Variants in SRCIN1 observed in about 807,000 individuals in gnomAD.
SRCIN1 encodes the protein SRC kinase signaling inhibitor 1, also known as P130Cas-associated protein.
A neutral mutation model predicts 116.2 loss-of-function variants in SRCIN1; 50 were observed. That is an observed-to-expected ratio of 0.43 (90% CI 0.34 to 0.54). The LOEUF (loss-of-function observed/expected upper bound fraction) is 0.54, where lower values mean the gene tolerates loss of function less well. SRCIN1 is among the 20% of genes least tolerant of loss of function. The pLI is 0.02. For missense variants in SRCIN1, 1,446 were observed against 1,672.0 expected (o/e 0.86, Z 2.36); for synonymous variants, 736 against 750.0 (o/e 0.98, Z 0.30).
chr17:38,574,190 C>T (rs1264890192), intron 2 of SRCIN1, among the ~76,000 whole-genome samples: 1 of 152,196 alleles, frequency 6.6e-6, no homozygotes, highest in African/African-American at 2.4e-5. Flanking sequence ...CCCATTGCAA[C>T]TCTGATGCCT....
In SRCIN1 at chr17:38,551,117, C is replaced by A. The variant is rs563897914; in HGVS notation, c.2962+38G>T. On this transcript the variant is annotated intron_variant, in intron 15 of 18. Coordinates refer to ENST00000617146, the MANE Select transcript of SRCIN1 (RefSeq NM_025248.3). ...TGGGCTCCTGAGGAGGGCACTCCCCCACGCTGGGCTCCTTACCAGCCCTAC... is the reference window on the plus strand; with the variant it reads ...TGGGCTCCTGAGGAGGGCACTCCCCAACGCTGGGCTCCTTACCAGCCCTAC... 36 of 895,144 alleles carry A rather than the reference C, an allele frequency of 4.0e-5. 1 individual carries two copies. Among genetic ancestry groups the A allele is most frequent in the South Asian group, 2.8e-4 (16 of 57,210 alleles). The allele number at this position is 895,144 out of a possible 1,614,324, so 55.5% of individuals were successfully genotyped here.
At chr17:38,591,614 C>T (rs4082805) in intron 1 of SRCIN1, among the ~76,000 whole-genome samples, 4,887 of 152,302 alleles carry the variant, frequency 0.032, 242 homozygotes, top group African/African-American at 0.11. Flanking sequence ...GGCCTAAGAG[C>T]GCTGTTCCAG....
rs1271856935 is a variant in SRCIN1 at position 38,580,116 on chromosome 17, GGCTGGAAAC to G, written c.23-1334_23-1326del. On this transcript the variant is annotated intron_variant, in intron 1 of 18. Coordinates refer to ENST00000617146, the MANE Select transcript of SRCIN1 (RefSeq NM_025248.3). The stretch of plus-strand genomic sequence containing the variant: ...GGCAGCCCAGGGCAACAGGGGACGC[GGCTGGAAAC>G]GCTGGAAACCAGCCAGGTTTGCTAC... 8.5e-5 allele frequency among the ~76,000 whole-genome samples: 13 copies of G among 152,134 alleles called. 1 individual carries two copies. The highest frequency in any genetic ancestry group is 8.5e-4 in the Admixed American group (13 of 15,280).
intron 18 of SRCIN1, 79 bp downstream of exon 18, chr17:38,543,744 G>A: frequency 2.6e-6 from 4 of 1,540,984 alleles, no homozygotes; most frequent in Non-Finnish European, 2.6e-6. Flanking sequence ...CGGGAGCAGG[G>A]GCAGGAGATG....
chr17:38,603,242 C>T (rs971413898), intron 1 of SRCIN1, among the ~76,000 whole-genome samples: 2 of 151,832 alleles, frequency 1.3e-5, no homozygotes, highest in African/African-American at 4.8e-5. Flanking sequence ...AGAGAGAGCG[C>T]GAGAGTGCAT....
intron 18 of SRCIN1, among the ~76,000 whole-genome samples, chr17:38,538,433 A>T (rs1567848980): frequency 7.3e-6 from 1 of 136,948 alleles, no homozygotes; most frequent in African/African-American, 2.8e-5. Flanking sequence ...AAAAAAAAAA[A>T]TAATAATAAT....
At chr17:38,567,609 C>A (rs1229399608) in intron 3 of SRCIN1, among the ~76,000 whole-genome samples, 1 of 152,044 alleles carries the variant, frequency 6.6e-6, no homozygotes, top group African/African-American at 2.4e-5. Flanking sequence ...CAGGGGTCAA[C>A]AGGATACCCT....
rs199805242 is a variant in SRCIN1 at position 38,561,660 on chromosome 17, G to A, written c.1503C>T (p.Arg501=). 5.6e-3 allele frequency: 8,750 copies of A among 1,556,824 alleles called. 30 individuals are homozygous for A. Among genetic ancestry groups the A allele is most frequent in the Non-Finnish European group, 6.8e-3 (7,890 of 1,152,414 alleles). ...PHSPYSGPPS[R]GSPVRQSFRK... ...GGAAGGACTGGCGCACTGGCGAGCC[G>A]CGGCTGGGCGGCCCCGAGTAGGGGC... is the stretch of plus-strand genomic sequence containing the variant. The change falls in exon 7 of 19, where the codon CGC becomes CGT. Residue 501 remains arginine, a synonymous_variant. Transcript: ENST00000617146.
chr17:38,576,450 G>A (rs1028320679), intron 2 of SRCIN1, among the ~76,000 whole-genome samples: 19 of 151,948 alleles, frequency 1.3e-4, no homozygotes. Flanking sequence ...GAACATTCCT[G>A]GTCCCCTTTC....
At position 38,552,604 on chromosome 17, in the gene SRCIN1, C is replaced by T. The variant is rs1262204073; in HGVS notation, c.2333-10G>A. 5.0e-6 allele frequency: 8 copies of T among 1,612,430 alleles called. No individual in the cohort carries two copies. Among genetic ancestry groups the T allele is most frequent in the Admixed American group, 3.3e-5 (2 of 59,908 alleles). The stretch of plus-strand genomic sequence containing the variant: ...AGGCCCGGGAAGTGAGCTGAGGAGA[C>T]AGGAAGGCATGAGCTGGGGCCAGAG... On this transcript the variant is annotated splice_polypyrimidine_tract_variant and intron_variant, in intron 12 of 18. Transcript: ENST00000617146. The surrounding 1 kb of genome is among the most constrained non-coding windows in gnomAD (Gnocchi z 5.3).
chr17:38,568,273 C>G lies in SRCIN1; in HGVS notation c.325-42G>C. The G allele has an allele frequency of 6.2e-7, 1 of 1,607,364 alleles. No individual in the cohort carries two copies. The highest frequency in any genetic ancestry group is 8.5e-7 in the Non-Finnish European group (1 of 1,176,568). On this transcript the variant is annotated intron_variant, in intron 2 of 18. Transcript: ENST00000617146. The surrounding 1 kb of genome is among the most constrained non-coding windows in gnomAD (Gnocchi z 4.5). Reference sequence around the variant, plus strand: ...GAGAAGAGATGGTTATGAGGGGGCCCAGGAGGGGAAAAGAGGGGCAGGGGC... The same window carrying G: ...GAGAAGAGATGGTTATGAGGGGGCCGAGGAGGGGAAAAGAGGGGCAGGGGC...
Position 38,532,993 on chromosome 17 carries a change from T to C in SRCIN1, c.*304A>G, listed in dbSNP as rs55974793. The C allele has an allele frequency of 0.24, 49,780 of 207,548 alleles. 8,455 individuals carry two copies. Among genetic ancestry groups the C allele is most frequent in the African/African-American group, 0.54 (22,629 of 42,256 alleles). The allele number at this position is 207,548 out of a possible 1,614,324, so 12.9% of individuals were successfully genotyped here. A position where few individuals can be genotyped will look rare whatever the true frequency, so the allele number is the denominator to read the frequency against. On this transcript the variant is annotated 3_prime_UTR_variant, in exon 19 of 19. Coordinates refer to ENST00000617146, the MANE Select transcript of SRCIN1 (RefSeq NM_025248.3). The surrounding 1 kb of genome is among the most constrained non-coding windows in gnomAD (Gnocchi z 4.3). ...AGTGGTGAAAGAGAAGAAGGAGAGA[T>C]GTGACAGGTGCGGCCAGCGAGAGGC... is the stretch of plus-strand genomic sequence containing the variant.
chr17:38,575,014 G>A (rs1295313720), intron 2 of SRCIN1: 9 of 400,462 alleles, frequency 2.2e-5, no homozygotes, highest in South Asian at 1.3e-4. Context: ...TAGGGGAAGC[G>A]GGCAGGAGCC....
upstream of SRCIN1, among the ~76,000 whole-genome samples, chr17:38,606,930 G>C (rs182825899): frequency 1.3e-5 from 2 of 152,304 alleles, no homozygotes; most frequent in Non-Finnish European, 2.9e-5. This position sits in a 1 kb window ranked among gnomAD's most constrained non-coding sequence, Gnocchi z 5.2. Flanking sequence ...TGAGTCCCCT[G>C]TCCCTTTTAT....
chr17:38,585,073 G>C lies in SRCIN1; in HGVS notation c.23-6282C>G, dbSNP rs1908040013. On this transcript the variant is annotated intron_variant, in intron 1 of 18. Transcript: ENST00000617146. This position sits in a 1 kb window ranked among gnomAD's most constrained non-coding sequence, Gnocchi z 4.2. ...TTGGGGACCTGAGAGGCTGTCACAT[G>C]TGTGCCCCGACCCACTGCCTGGGCA... Among the ~76,000 whole-genome samples, 3 of 152,232 alleles carry C rather than the reference G, an allele frequency of 2.0e-5. No individual in the cohort carries two copies. Among genetic ancestry groups the C allele is most frequent in the African/African-American group, 7.2e-5 (3 of 41,460 alleles).
chr17:38,560,721 C>T (rs1420413340), intron 7 of SRCIN1, among the ~76,000 whole-genome samples: 2 of 152,194 alleles, frequency 1.3e-5, no homozygotes, highest in African/African-American at 4.8e-5. Context: ...CCCCAGGGGC[C>T]CCGAGGAACG....
chr17:38,541,700 C>G (rs1904755134), intron 18 of SRCIN1: 1 of 152,538 alleles, frequency 6.6e-6, no homozygotes, highest in Non-Finnish European at 1.5e-5. Flanking sequence ...CGCCTGTAAT[C>G]CCAGCACTTT....
chr17:38,576,888 C>G (rs780021738), intron 2 of SRCIN1, among the ~76,000 whole-genome samples: 3 of 152,036 alleles, frequency 2.0e-5, no homozygotes, highest in African/African-American at 4.8e-5. Context: ...CCTCCAGTCC[C>G]GCTTCTCCCC....
intron 10 of SRCIN1, chr17:38,559,296 G>A: frequency 1.9e-6 from 1 of 516,964 alleles, no homozygotes; most frequent in Non-Finnish European, 3.4e-6. Context: ...GGTGACTGGG[G>A]CTCCAGGAGG....
Sources: allele counts gnomAD v4.1 joint callset (sites outside exome capture counted in the v4.1 genomes callset), GRCh38; gene constraint gnomAD v4.1.1; non-coding constraint Gnocchi (gnomAD v3.1); transcripts MANE v1.5; gene names NCBI Gene and HGNC (gene_info 2026-07-23, HGNC 2026-07-21).